WDR33: variants seen among roughly 807,000 people sequenced by gnomAD.
WDR33 encodes WD repeat domain 33.
WDR33 carries 47 observed loss-of-function variants against 164.9 expected under a neutral mutation model. That is an observed-to-expected ratio of 0.29 (90% CI 0.23 to 0.36). WDR33 has a LOEUF of 0.36. Among genes scored for constraint, WDR33 ranks in the 10% least tolerant of loss-of-function variants. WDR33 has a pLI of 1.00. For synonymous variants in WDR33, 505 were observed against 589.0 expected, an observed-to-expected ratio of 0.86 and a Z score of 2.06; for missense variants, 1,137 against 1,754.1, an observed-to-expected ratio of 0.65 and a Z score of 6.28.
In WDR33 at chr2:127,717,070, A is replaced by G; in HGVS notation, c.2869+85T>C. ...AGAGGTTCAAATGACCAGTCTATCA[A>G]TGACTGGCCAACAAAATTATTCACT... is the stretch of plus-strand genomic sequence containing the variant. On this transcript the variant is annotated intron_variant, in intron 17 of 21. Transcript: ENST00000322313. This position sits in a 1 kb window ranked among gnomAD's most constrained non-coding sequence, Gnocchi z 5.6. 2 of 1,378,890 alleles carry G rather than the reference A, an allele frequency of 1.5e-6. No homozygotes were observed. The highest frequency in any genetic ancestry group is 2.0e-6 in the Non-Finnish European group (2 of 989,708). The allele number at this position is 1,378,890 out of a possible 1,614,324, so 85.4% of individuals were successfully genotyped here.
chr2:127,768,326 C>T (rs768189981), intron 3 of WDR33, 33 bp from the exon 4 acceptor site: 1 of 1,352,646 alleles, frequency 7.4e-7, no homozygotes, highest in Non-Finnish European at 1.0e-6. Context: ...TCTTAGAGCT[C>T]CTGATTACAT....
rs1461730384 is a variant in WDR33 at position 127,763,877 on chromosome 2, C to A, written c.627-718G>T. ...TTGAACTTTGGAATCCTATGAAGGA[C>A]CAGCTGTGTAAACTCAATGTATGGG... On this transcript the variant is annotated intron_variant, in intron 6 of 21. Transcript: ENST00000322313. The surrounding 1 kb of genome is among the most constrained non-coding windows in gnomAD (Gnocchi z 4.5). 1 of 985,448 alleles carries A rather than the reference C, an allele frequency of 1.0e-6. No individual in the cohort carries two copies. Among genetic ancestry groups the A allele is most frequent in the African/African-American group, 1.7e-5 (1 of 57,226 alleles). 61.0% of individuals were successfully genotyped at this position (985,448 alleles called of 1,614,324 possible).
chr2:127,740,888 A>G (rs1216394654), intron 7 of WDR33, among the ~76,000 whole-genome samples: 2 of 152,252 alleles, frequency 1.3e-5, no homozygotes, highest in Non-Finnish European at 2.9e-5. Context: ...TATGTTGGCT[A>G]CAAATTTTAG....
At chr2:127,754,771 A>G (rs533138958) in intron 7 of WDR33, among the ~76,000 whole-genome samples, 1 of 152,120 alleles carries the variant, frequency 6.6e-6, no homozygotes, top group East Asian at 1.9e-4. Context: ...ATGAAATCCA[A>G]ATATGATGTC....
Position 127,764,093 on chromosome 2 carries a change from A to G in WDR33, c.626+735T>C, listed in dbSNP as rs577893698. ...TATTCTGAGGCTGCAGCAATTCTTCAGGCTTGTATTTGGAACTTTTTCCCC... is the reference window on the plus strand; with the variant it reads ...TATTCTGAGGCTGCAGCAATTCTTCGGGCTTGTATTTGGAACTTTTTCCCC... On this transcript the variant is annotated intron_variant, in intron 6 of 21. Transcript: ENST00000322313. This position sits in a 1 kb window ranked among gnomAD's most constrained non-coding sequence, Gnocchi z 6.2. The G allele has an allele frequency of 1.3e-4, 129 of 988,352 alleles. 2 individuals are homozygous for G. The South Asian group carries it at 5.6e-3, about 43-fold the overall frequency. The allele number at this position is 988,352 out of a possible 1,614,324, so 61.2% of individuals were successfully genotyped here.
rs1253772823 is a variant in WDR33 at position 127,718,772 on chromosome 2, A to G, written c.2760+493T>C. Among the ~76,000 whole-genome samples the G allele has an allele frequency of 6.6e-6, 1 of 152,218 alleles. No individual in the cohort carries two copies. The highest frequency in any genetic ancestry group is 2.4e-5 in the African/African-American group (1 of 41,454). On this transcript the variant is annotated intron_variant, in intron 16 of 21. Transcript: ENST00000322313. This position sits in a 1 kb window ranked among gnomAD's most constrained non-coding sequence, Gnocchi z 4.4. ...CAGAGTGAGGTACAGAGTCTATAGT[A>G]TACTCATGAGTTAAATATCCCATCC...
intron 1 of WDR33, among the ~76,000 whole-genome samples, chr2:127,808,823 G>A (rs1483889762): frequency 6.6e-6 from 1 of 152,172 alleles, no homozygotes; most frequent in East Asian, 1.9e-4. Context: ...GAGGTCAGGA[G>A]ATCGAGACCA....
intron 7 of WDR33, among the ~76,000 whole-genome samples, chr2:127,744,390 A>T (rs1349783554): frequency 6.6e-6 from 1 of 152,248 alleles, no homozygotes; most frequent in Non-Finnish European, 1.5e-5. Context: ...TACAGTAGAT[A>T]CATGCAGTCA....
chr2:127,777,524 T>C (rs921172199), intron 1 of WDR33, among the ~76,000 whole-genome samples: 1 of 152,362 alleles, frequency 6.6e-6, no homozygotes, highest in African/African-American at 2.4e-5. Context: ...TTATTTTGCA[T>C]TAAATTTGTA....
Position 127,763,515 on chromosome 2 carries a change from C to G in WDR33, c.627-356G>C. The stretch of plus-strand genomic sequence containing the variant: ...GGATTCTATTTTTGCAGTATTCCTG[C>G]AGTCTTTTAAATCACACACGAATAC... On this transcript the variant is annotated intron_variant, in intron 6 of 21. Coordinates refer to ENST00000322313, the MANE Select transcript of WDR33 (RefSeq NM_018383.5). This position sits in a 1 kb window ranked among gnomAD's most constrained non-coding sequence, Gnocchi z 4.5. 1 of 1,055,258 alleles carries G rather than the reference C, an allele frequency of 9.5e-7. No homozygotes were observed. The highest frequency in any genetic ancestry group is 1.1e-6 in the Non-Finnish European group (1 of 872,364). The allele number at this position is 1,055,258 out of a possible 1,614,324, so 65.4% of individuals were successfully genotyped here. A position where few individuals can be genotyped will look rare whatever the true frequency, so the allele number is the denominator to read the frequency against.
At position 127,735,155 on chromosome 2, in the gene WDR33, CAGA is replaced by C. The variant is rs1325722667; in HGVS notation, c.725-8381_725-8379del. 2.6e-5 allele frequency among the ~76,000 whole-genome samples: 4 copies of C among 152,192 alleles called. No homozygotes were observed. Among genetic ancestry groups the C allele is most frequent in the African/African-American group, 4.8e-5 (2 of 41,424 alleles). On this transcript the variant is annotated intron_variant, in intron 7 of 21. Transcript: ENST00000322313. This position sits in a 1 kb window ranked among gnomAD's most constrained non-coding sequence, Gnocchi z 4.3. The stretch of plus-strand genomic sequence containing the variant: ...CAGTGAAGGCTAGAACCAGTAAGGG[CAGA>C]AGGTCTGCTTTTTGACTATTCCCTT...
chr2:127,783,598 CCTTTTTTTTTT>C lies in WDR33; in HGVS notation c.-23-12605_-23-12595del, dbSNP rs1482747434. ...TCTTCAGCTATTTTATTTCAGGACTCCTTTTTTTTTTTTTTTTTTTTTTTTTGAGACAGTCT... is the reference window on the plus strand; with the variant it reads ...TCTTCAGCTATTTTATTTCAGGACTCTTTTTTTTTTTTTTTGAGACAGTCT... On this transcript the variant is annotated intron_variant, in intron 1 of 21. Transcript: ENST00000322313. Among the ~76,000 whole-genome samples the C allele has an allele frequency of 2.6e-5, 3 of 113,902 alleles. No individual in the cohort carries two copies. In the East Asian group the frequency reaches 7.0e-4, roughly 27 times the overall value. 74.7% of individuals were successfully genotyped at this position (113,902 alleles called of 152,430 possible).
At position 127,763,013 on chromosome 2, in the gene WDR33, A is replaced by C. The variant is rs200928100; in HGVS notation, c.724+49T>G. 4.3e-6 allele frequency: 7 copies of C among 1,612,484 alleles called. No individual in the cohort carries two copies. In the African/African-American group the frequency reaches 5.3e-5, roughly 12 times the overall value. On this transcript the variant is annotated intron_variant, in intron 7 of 21. Coordinates refer to ENST00000322313, the MANE Select transcript of WDR33 (RefSeq NM_018383.5). This position sits in a 1 kb window ranked among gnomAD's most constrained non-coding sequence, Gnocchi z 4.5. ...GTGGTTTTGTGATGATTTAACCACA[A>C]ATGTCTTCCCTATTTAAATATTCCA...
Position 127,771,024 on chromosome 2 carries a change from C to T in WDR33, c.-23-20G>A, listed in dbSNP as rs760202399. 7 of 1,584,254 alleles carry T rather than the reference C, an allele frequency of 4.4e-6. No individual in the cohort carries two copies. In the South Asian group the frequency reaches 6.7e-5, roughly 15 times the overall value. ...AGGATACTAGGATAAGGAAAAAGTACTTTCACTACAAATATCAGCACTGCA... is the reference window on the plus strand; with the variant it reads ...AGGATACTAGGATAAGGAAAAAGTATTTTCACTACAAATATCAGCACTGCA... On this transcript the variant is annotated intron_variant, in intron 1 of 21. Transcript: ENST00000322313.
intron 7 of WDR33, among the ~76,000 whole-genome samples, chr2:127,731,270 G>T (rs1025975375): frequency 3.5e-5 from 5 of 141,884 alleles, no homozygotes; most frequent in Non-Finnish European, 7.5e-5. Context: ...ACTCCAGCCT[G>T]GGCAACAGAG....
chr2:127,715,371 A>T (rs562558768), intron 17 of WDR33, among the ~76,000 whole-genome samples: 2 of 152,236 alleles, frequency 1.3e-5, no homozygotes, highest in South Asian at 4.1e-4. Context: ...GGCATGCGCC[A>T]CTGCACCTGG....
chr2:127,783,976 C>A (rs1380155757), intron 1 of WDR33, among the ~76,000 whole-genome samples: 2 of 130,856 alleles, frequency 1.5e-5, no homozygotes, highest in East Asian at 4.4e-4. Context: ...TGGATACTGG[C>A]CATATTAGAA....
chr2:127,808,936 A>T (rs556178526), intron 1 of WDR33, among the ~76,000 whole-genome samples: 1 of 151,428 alleles, frequency 6.6e-6, no homozygotes, highest in Admixed American at 6.6e-5. Flanking sequence ...AGGCTCAGGC[A>T]GGAGAATGGC....
At chr2:127,749,419 T>C (rs1358865844) in intron 7 of WDR33, among the ~76,000 whole-genome samples, 2 of 152,038 alleles carry the variant, frequency 1.3e-5, no homozygotes, top group Non-Finnish European at 2.9e-5. Context: ...CCCAGCACTT[T>C]GGGAGGCTGA....
Sources: gnomAD v4.1 joint callset for allele counts (sites outside exome capture counted in the v4.1 genomes callset) on GRCh38, gnomAD v4.1.1 for gene constraint, Gnocchi (gnomAD v3.1) non-coding constraint, MANE v1.5 for transcripts, NCBI Gene and HGNC (gene_info 2026-07-23, HGNC 2026-07-21) for gene names.